ARHGEF10L: variants seen among roughly 807,000 people sequenced by gnomAD.
The protein encoded by ARHGEF10L is Rho guanine nucleotide exchange factor 10 like.
ARHGEF10L carries 69 observed loss-of-function variants against 141.2 expected under a neutral mutation model. The ratio of observed to expected loss-of-function variants is 0.49; its 90% CI spans 0.40 to 0.60. The LOEUF (loss-of-function observed/expected upper bound fraction) is 0.60, where lower values mean the gene tolerates loss of function less well. ARHGEF10L is among the 20% of genes least tolerant of loss of function. The pLI, the probability that ARHGEF10L is intolerant of heterozygous loss-of-function variation, is 0.00. For missense variants in ARHGEF10L, 1,482 were observed against 1,734.3 expected, an observed-to-expected ratio of 0.85 and a Z score of 2.58; for synonymous variants, 711 against 718.5, an observed-to-expected ratio of 0.99 and a Z score of 0.17.
chr1:17,522,349 C>T, the ARHGEF10L span, among the ~76,000 whole-genome samples: 1 of 152,202 alleles, frequency 6.6e-6, no homozygotes, highest in African/African-American at 2.4e-5. Context: ...GTGCTCACAA[C>T]AGCCTGGGGA....
At chr1:17,611,805 G>C (rs1215275052) in intron 7 of ARHGEF10L, among the ~76,000 whole-genome samples, 13 of 152,096 alleles carry the variant, frequency 8.5e-5, no homozygotes, top group Non-Finnish European at 5.9e-5. Context: ...ATTTGAGCAG[G>C]AGCCTACATG....
chr1:17,581,085 C>T (rs767648994), intron 2 of ARHGEF10L, among the ~76,000 whole-genome samples: 3 of 151,882 alleles, frequency 2.0e-5, no homozygotes, highest in Non-Finnish European at 2.9e-5. Context: ...GAGGCCGAGG[C>T]GGGCAGATCA....
At chr1:17,618,234 C>T (rs1435217523) in intron 9 of ARHGEF10L, 12 of 1,254,816 alleles carry the variant, frequency 9.6e-6, no homozygotes, top group Non-Finnish European at 1.3e-5. Context: ...CAACCCCAGG[C>T]TGGCTAGGGC....
At position 17,566,817 on chromosome 1, in the gene ARHGEF10L, C is replaced by T. The variant is rs148655298; in HGVS notation, c.-43-13736C>T. On this transcript the variant is annotated intron_variant, in intron 1 of 28. Transcript: ENST00000361221. The stretch of plus-strand genomic sequence containing the variant: ...TGCTCATCAGCAAACCCCATAACCT[C>T]GAGTGCTTCCTGGGGCACAATAAAG... Among the ~76,000 whole-genome samples the T allele has an allele frequency of 3.8e-3, 578 of 152,292 alleles. 3 individuals are homozygous for T. Among genetic ancestry groups the T allele is most frequent in the African/African-American group, 0.013 (541 of 41,556 alleles).
chr1:17,646,237 G>A (rs547494755), intron 21 of ARHGEF10L, among the ~76,000 whole-genome samples: 118 of 152,312 alleles, frequency 7.7e-4, no homozygotes, highest in African/African-American at 2.8e-3. Context: ...CCAGCATTCA[G>A]GTGCCACCTC....
intron 27 of ARHGEF10L, among the ~76,000 whole-genome samples, chr1:17,690,324 C>A (rs1480003963): frequency 6.6e-6 from 1 of 152,230 alleles, no homozygotes; most frequent in Non-Finnish European, 1.5e-5. Context: ...GCACTCAGAG[C>A]ACCAGCTTCC....
chr1:17,616,537 T>G (rs566778843), intron 9 of ARHGEF10L, among the ~76,000 whole-genome samples: 1 of 152,348 alleles, frequency 6.6e-6, no homozygotes, highest in South Asian at 2.1e-4. Context: ...TGTTCCCTCC[T>G]TCCTTTATCC....
chr1:17,627,722 A>G lies in ARHGEF10L; in HGVS notation c.1584+219A>G, dbSNP rs1001820213. ...TTTAAGATAAAAGTTCATTTTGTGC[A>G]TCAGTGTGATTTCCAGTAAAGTCTC... is the stretch of plus-strand genomic sequence containing the variant. On this transcript the variant is annotated intron_variant, in intron 15 of 28. Transcript: ENST00000361221. This position sits in a 1 kb window ranked among gnomAD's most constrained non-coding sequence, Gnocchi z 4.0. Among the ~76,000 whole-genome samples, 78 of 152,206 alleles carry G rather than the reference A, an allele frequency of 5.1e-4. 5 individuals are homozygous for G. Among genetic ancestry groups the G allele is most frequent in the Non-Finnish European group, 5.9e-5 (4 of 68,046 alleles).
chr1:17,678,392 G>T (rs577620204), intron 26 of ARHGEF10L, among the ~76,000 whole-genome samples: 1 of 150,972 alleles, frequency 6.6e-6, no homozygotes, highest in South Asian at 2.1e-4. Context: ...CTCCAGAATA[G>T]CCAGGTGCAC....
At chr1:17,687,541 C>T in intron 26 of ARHGEF10L, 32 bp from the exon 27 acceptor site, 1 of 1,610,212 alleles carries the variant, frequency 6.2e-7, no homozygotes, top group Non-Finnish European at 8.5e-7. Context: ...GCAGGCCCAG[C>T]CAGTATCGAC....
At chr1:17,606,300 C>G (rs982963165) in intron 6 of ARHGEF10L, among the ~76,000 whole-genome samples, 3 of 147,048 alleles carry the variant, frequency 2.0e-5, no homozygotes, top group African/African-American at 7.5e-5. Flanking sequence ...TCTTCTTCTT[C>G]TTTTTTTTTT....
intron 26 of ARHGEF10L, among the ~76,000 whole-genome samples, chr1:17,674,962 G>A (rs752440292): frequency 6.6e-6 from 1 of 152,142 alleles, no homozygotes; most frequent in African/African-American, 2.4e-5. Flanking sequence ...ATTGCCTAAT[G>A]ATGCCTTTCT....
intron 22 of ARHGEF10L, among the ~76,000 whole-genome samples, chr1:17,652,038 C>T (rs1220453853): frequency 6.6e-6 from 1 of 152,224 alleles, no homozygotes; most frequent in African/African-American, 2.4e-5. Context: ...TTCCAGCTCA[C>T]CACGTTTCCA....
chr1:17,632,490 G>A, intron 16 of ARHGEF10L, 24 bp downstream of exon 16: 1 of 1,613,636 alleles, frequency 6.2e-7, no homozygotes, highest in Non-Finnish European at 8.5e-7. Flanking sequence ...GGTTGGAGGG[G>A]GCAATCACCC....
At chr1:17,569,775 C>T (rs72921012) in intron 1 of ARHGEF10L, among the ~76,000 whole-genome samples, 2,021 of 152,322 alleles carry the variant, frequency 0.013, 41 homozygotes, top group African/African-American at 0.046. Flanking sequence ...TGCCTGGTGA[C>T]GGTGGCAGCC....
chr1:17,574,783 T>C (rs2078152351), intron 1 of ARHGEF10L, among the ~76,000 whole-genome samples: 1 of 152,220 alleles, frequency 6.6e-6, no homozygotes, highest in Non-Finnish European at 1.5e-5. Context: ...GTGGGCATCT[T>C]GCTGCCCTGC....
chr1:17,683,145 CGGTGCTCACTGCCCCCTGCTCTCACCGT>C (rs2064262333), intron 26 of ARHGEF10L, among the ~76,000 whole-genome samples: 2 of 91,236 alleles, frequency 2.2e-5, no homozygotes, highest in Admixed American at 1.2e-4. Flanking sequence ...GCTCTCACCG[CGGTGCTCACTGCCCCCTGCTCTCACCGT>C]GGTGCTCACT....
At chr1:17,598,384 G>C (rs1159980544) in intron 4 of ARHGEF10L, among the ~76,000 whole-genome samples, 1 of 152,206 alleles carries the variant, frequency 6.6e-6, no homozygotes, top group Non-Finnish European at 1.5e-5. Flanking sequence ...TTAGAGGCGT[G>C]AGCCACCACA....
chr1:17,590,922 G>A (rs948814639), intron 4 of ARHGEF10L, among the ~76,000 whole-genome samples: 1 of 152,202 alleles, frequency 6.6e-6, no homozygotes, highest in Non-Finnish European at 1.5e-5. Flanking sequence ...GGGAGGTGGA[G>A]GTTGTAGTGA....
Sources: gnomAD v4.1 joint callset for allele counts (sites outside exome capture counted in the v4.1 genomes callset) on GRCh38, gnomAD v4.1.1 for gene constraint, Gnocchi (gnomAD v3.1) non-coding constraint, MANE v1.5 for transcripts, NCBI Gene and HGNC (gene_info 2026-07-23, HGNC 2026-07-21) for gene names.